NCAM1: variants seen among roughly 807,000 people sequenced by gnomAD.
NCAM1 encodes antigen recognized by monoclonal antibody 5.1H11.
In NCAM1, 14 loss-of-function variants were observed where a neutral mutation model predicts 109.8. The observed-to-expected ratio is 0.13, with a 90% CI of 0.08 to 0.20. The LOEUF is 0.20. NCAM1 is among the 10% of genes least tolerant of loss of function. The probability of loss-of-function intolerance (pLI) is 1.00; values close to 1 mark genes in which losing one functional copy is unlikely to be tolerated. For missense variants in NCAM1, 774 were observed against 1,109.9 expected (o/e 0.70, Z 4.30); for synonymous variants, 418 against 442.9 (o/e 0.94, Z 0.70).
intron 1 of NCAM1, among the ~76,000 whole-genome samples, chr11:113,147,217 T>C (rs1327480830): frequency 1.3e-5 from 2 of 152,238 alleles, no homozygotes; most frequent in African/African-American, 4.8e-5. Context: ...TTCCTTTCCT[T>C]ACTAAAGACG....
intron 1 of NCAM1, among the ~76,000 whole-genome samples, chr11:113,045,483 T>G (rs995341202): frequency 5.3e-5 from 8 of 152,110 alleles, no homozygotes; most frequent in Non-Finnish European, 1.0e-4. Context: ...CCTTCCCACT[T>G]TACTCCCTAA....
chr11:113,252,799 CTTTTTTTTTT>C (rs33948720), intron 15 of NCAM1, among the ~76,000 whole-genome samples: 15 of 39,706 alleles, frequency 3.8e-4, no homozygotes, highest in African/African-American at 1.1e-3. Context: ...CTATGCCCAG[CTTTTTTTTTT>C]TTTTTTTTTT....
chr11:112,966,459 A>G (rs1293751140), intron 1 of NCAM1, among the ~76,000 whole-genome samples: 2 of 152,232 alleles, frequency 1.3e-5, no homozygotes, highest in East Asian at 3.9e-4. Context: ...CAGAGTTTTC[A>G]CTATTCGAAA....
Position 113,046,802 on chromosome 11 carries a change from AAGAG to A in NCAM1, c.52+85150_52+85153del, listed in dbSNP as rs145834880. ...TAGATGAAAGAGAAAGAAGAAAGAA[AAGAG>A]AGAGAGAGAGAAAGAAAAAGAAAGA... On this transcript the variant is annotated intron_variant, in intron 1 of 19. Coordinates refer to ENST00000316851, the MANE Select transcript of NCAM1 (RefSeq NM_181351.5). Among the ~76,000 whole-genome samples the A allele has an allele frequency of 2.5e-4, 37 of 149,566 alleles. No individual in the cohort carries two copies. The South Asian group carries it at 2.8e-3, about 11-fold the overall frequency.
At chr11:113,258,629 C>G (rs113873765) in intron 16 of NCAM1, among the ~76,000 whole-genome samples, 3 of 152,272 alleles carry the variant, frequency 2.0e-5, no homozygotes, top group Middle Eastern at 6.8e-3. Flanking sequence ...ATATTTCAAA[C>G]TAGCTAGAAG....
At chr11:113,076,601 A>G (rs1555086173) in intron 1 of NCAM1, among the ~76,000 whole-genome samples, 2 of 152,222 alleles carry the variant, frequency 1.3e-5, no homozygotes, top group Non-Finnish European at 2.9e-5. Flanking sequence ...TCTCAGCATC[A>G]AACCATTTCT....
At chr11:113,009,533 G>T (rs1212742552) in intron 1 of NCAM1, among the ~76,000 whole-genome samples, 3 of 151,856 alleles carry the variant, frequency 2.0e-5, no homozygotes, top group Non-Finnish European at 4.4e-5. Flanking sequence ...CTGTTGCCCA[G>T]GTTGGTAATT....
Position 113,260,388 on chromosome 11 carries a change from A to C in NCAM1, c.2131+65A>C, listed in dbSNP as rs546006299. The C allele has an allele frequency of 6.0e-6, 9 of 1,511,004 alleles. No homozygotes were observed. The Admixed American group carries it at 1.7e-4, about 29-fold the overall frequency. 93.6% of individuals were successfully genotyped at this position (1,511,004 alleles called of 1,614,324 possible). A position where few individuals can be genotyped will look rare whatever the true frequency, so the allele number is the denominator to read the frequency against. Reference sequence around the variant, plus strand: ...TTAATGCACAAGTGCTGCACCTCCTAATGCGCCTGAACAACCCTGACAACT... The same window carrying C: ...TTAATGCACAAGTGCTGCACCTCCTCATGCGCCTGAACAACCCTGACAACT... On this transcript the variant is annotated intron_variant, in intron 17 of 19. Transcript: ENST00000316851.
intron 1 of NCAM1, among the ~76,000 whole-genome samples, chr11:113,139,036 C>T (rs868929966): frequency 2.0e-5 from 3 of 152,208 alleles, no homozygotes; most frequent in African/African-American, 7.2e-5. Context: ...GGGAATTATC[C>T]TAGTAATATT....
At chr11:113,159,424 A>T (rs1942524453) in intron 1 of NCAM1, among the ~76,000 whole-genome samples, 1 of 152,168 alleles carries the variant, frequency 6.6e-6, no homozygotes, top group African/African-American at 2.4e-5. Context: ...AAATGTTTAC[A>T]GTGGCAAGTA....
intron 1 of NCAM1, among the ~76,000 whole-genome samples, chr11:113,188,421 G>A (rs1555109247): frequency 6.6e-6 from 1 of 152,200 alleles, no homozygotes; most frequent in Admixed American, 6.5e-5. Context: ...GCTGTCTGAA[G>A]CATTAGAGCC....
At chr11:113,267,057 G>A (rs892385227) in intron 17 of NCAM1, among the ~76,000 whole-genome samples, 7 of 152,158 alleles carry the variant, frequency 4.6e-5, no homozygotes, top group South Asian at 2.1e-4. Context: ...TGTTGGATTC[G>A]CCCTGTTTAT....
intron 1 of NCAM1, among the ~76,000 whole-genome samples, chr11:113,095,972 G>A (rs1320280927): frequency 6.6e-6 from 1 of 152,150 alleles, no homozygotes; most frequent in Non-Finnish European, 1.5e-5. Flanking sequence ...TATAATGTCT[G>A]AGACAGGGTA....
chr11:112,991,331 A>C (rs1403102928), intron 1 of NCAM1, among the ~76,000 whole-genome samples: 1 of 152,206 alleles, frequency 6.6e-6, no homozygotes, highest in African/African-American at 2.4e-5. Context: ...TAGAATTTAG[A>C]GGCAGCACTT....
intron 1 of NCAM1, among the ~76,000 whole-genome samples, chr11:113,081,201 G>A (rs1420977489): frequency 2.0e-5 from 3 of 152,304 alleles, no homozygotes; most frequent in African/African-American, 7.2e-5. Context: ...CTGCCTACCC[G>A]CTGCGCTTAC....
At position 112,962,762 on chromosome 11, in the gene NCAM1, C is replaced by T. The variant is rs1555063684; in HGVS notation, c.52+1098C>T. Among the ~76,000 whole-genome samples, 1 of 152,032 alleles carries T rather than the reference C, an allele frequency of 6.6e-6. No homozygotes were observed. The highest frequency in any genetic ancestry group is 1.5e-5 in the Non-Finnish European group (1 of 67,996). On this transcript the variant is annotated intron_variant, in intron 1 of 19. Coordinates refer to ENST00000316851, the MANE Select transcript of NCAM1 (RefSeq NM_181351.5). This position sits in a 1 kb window ranked among gnomAD's most constrained non-coding sequence, Gnocchi z 5.6. ...GCCCACCCTCCCCTCCAGCTGTCATCCCCCCACCTCCACCCAAGGATTTGC... is the reference window on the plus strand; with the variant it reads ...GCCCACCCTCCCCTCCAGCTGTCATTCCCCCACCTCCACCCAAGGATTTGC...
rs540687349 is a variant in NCAM1, at chr11:113,208,126, C to T, written c.916+124C>T. On this transcript the variant is annotated intron_variant, in intron 7 of 19. Coordinates refer to ENST00000316851, the MANE Select transcript of NCAM1 (RefSeq NM_181351.5). ...ATAACCCAATGCAACCATTTCTTGC[C>T]AGTTCCACCACCTAGTCCAAGCCCT... The T allele has an allele frequency of 7.9e-6, 9 of 1,136,692 alleles. No individual in the cohort carries two copies. The East Asian group carries it at 2.3e-4, about 29-fold the overall frequency. The allele number at this position is 1,136,692 out of a possible 1,614,324, so 70.4% of individuals were successfully genotyped here. A position where few individuals can be genotyped will look rare whatever the true frequency, so the allele number is the denominator to read the frequency against.
intron 7 of NCAM1, 47 bp from the exon 8 acceptor site, chr11:113,214,322 A>G (rs1460719415): frequency 3.1e-6 from 5 of 1,599,782 alleles, no homozygotes; most frequent in Non-Finnish European, 4.3e-6. Context: ...TTAAACCCAG[A>G]AAGCTCAATA....
chr11:113,016,071 T>C (rs1234400125), intron 1 of NCAM1, among the ~76,000 whole-genome samples: 1 of 152,152 alleles, frequency 6.6e-6, no homozygotes, highest in Non-Finnish European at 1.5e-5. Context: ...ACAGCTTTAA[T>C]TGGAAGAACC....
Sources: allele counts gnomAD v4.1 joint callset (sites outside exome capture counted in the v4.1 genomes callset), GRCh38; gene constraint gnomAD v4.1.1; non-coding constraint Gnocchi (gnomAD v3.1); transcripts MANE v1.5; gene names NCBI Gene and HGNC (gene_info 2026-07-23, HGNC 2026-07-21).